Variants in PCDHGB4 observed in about 807,000 individuals in gnomAD.
PCDHGB4 encodes protocadherin gamma subfamily B, 4.
A neutral mutation model predicts 60.5 loss-of-function variants in PCDHGB4; 38 were observed. The observed-to-expected ratio is 0.63, with a 90% CI of 0.48 to 0.82. The LOEUF is 0.82. Ranked by LOEUF, PCDHGB4 falls within the 40% of genes least tolerant of loss-of-function variation. PCDHGB4 has a pLI of 0.00. For missense variants in PCDHGB4, 1,109 were observed against 1,209.6 expected (o/e 0.92, Z 1.23); for synonymous variants, 456 against 509.7 (o/e 0.89, Z 1.42).
chr5:141,492,386 G>C (rs1343104703), intron 1 of PCDHGB4, among the ~76,000 whole-genome samples: 1 of 152,202 alleles, frequency 6.6e-6, no homozygotes, highest in African/African-American at 2.4e-5. Context: ...GCCTGTTCCG[G>C]TCCACTCGCA....
intron 1 of PCDHGB4, chr5:141,414,452 T>C (rs767824112): frequency 6.2e-7 from 1 of 1,613,886 alleles, no homozygotes. Flanking sequence ...AATATCACAG[T>C]GACAGCCACA....
At chr5:141,404,391 A>C (rs773558298) in intron 1 of PCDHGB4, 1 of 1,613,924 alleles carries the variant, frequency 6.2e-7, no homozygotes, top group South Asian at 1.1e-5. Context: ...TATGACCCTG[A>C]TAGCAATGAG....
At chr5:141,417,982 G>A (rs756382601) in intron 1 of PCDHGB4, 4 of 1,613,886 alleles carry the variant, frequency 2.5e-6, no homozygotes, top group Admixed American at 3.3e-5. Flanking sequence ...CGGAGGAGCT[G>A]GCCAAGGGCT....
At chr5:141,405,083 C>T in intron 1 of PCDHGB4, 1 of 1,613,942 alleles carries the variant, frequency 6.2e-7, no homozygotes, top group Non-Finnish European at 8.5e-7. Flanking sequence ...CGTTATCACG[C>T]TGCTGGCCCT....
chr5:141,489,066 C>G lies in PCDHGB4; in HGVS notation c.2398-5741C>G. The stretch of plus-strand genomic sequence containing the variant: ...CACTCAAATTCAGCTCCCCTCCCCC[C>G]TGCCCACCCCCGCCACTCGGTGACT... On this transcript the variant is annotated intron_variant, in intron 1 of 3. Transcript: ENST00000519479. This position sits in a 1 kb window ranked among gnomAD's most constrained non-coding sequence, Gnocchi z 4.5. 1 of 391,132 alleles carries G rather than the reference C, an allele frequency of 2.6e-6. No individual in the cohort carries two copies. Among genetic ancestry groups the G allele is most frequent in the South Asian group, 4.2e-5 (1 of 24,028 alleles). 24.2% of individuals were successfully genotyped at this position (391,132 alleles called of 1,614,324 possible).
intron 1 of PCDHGB4, among the ~76,000 whole-genome samples, chr5:141,434,935 T>C (rs952530533): frequency 6.6e-6 from 1 of 151,788 alleles, no homozygotes; most frequent in Non-Finnish European, 1.5e-5. Flanking sequence ...TTTTATATAA[T>C]AGATATAATT....
chr5:141,413,090 C>T, intron 1 of PCDHGB4: 1 of 1,391,312 alleles, frequency 7.2e-7, no homozygotes, highest in South Asian at 1.4e-5. Flanking sequence ...ACAGAGACAC[C>T]CTGAAGCCAC....
chr5:141,427,229 G>A (rs1377470019), intron 1 of PCDHGB4: 3 of 456,628 alleles, frequency 6.6e-6, no homozygotes, highest in Non-Finnish European at 1.3e-5. Context: ...GTTATACCAT[G>A]AGAGTAGAAG....
At position 141,489,632 on chromosome 5, in the gene PCDHGB4, C is replaced by T; in HGVS notation, c.2398-5175C>T. 6.2e-7 allele frequency: 1 copy of T among 1,614,138 alleles called. No homozygotes were observed. Among genetic ancestry groups the T allele is most frequent in the Non-Finnish European group, 8.5e-7 (1 of 1,180,010 alleles). Reference sequence around the variant, plus strand: ...ATCCTGGATCTCAATGACAACTCTCCTAGCTTTGCCACCCCTGAGCGAGAG... The same window carrying T: ...ATCCTGGATCTCAATGACAACTCTCTTAGCTTTGCCACCCCTGAGCGAGAG... On this transcript the variant is annotated intron_variant, in intron 1 of 3. Transcript: ENST00000519479. The surrounding 1 kb of genome is among the most constrained non-coding windows in gnomAD (Gnocchi z 4.5).
intron 1 of PCDHGB4, chr5:141,430,941 A>G: frequency 6.2e-7 from 1 of 1,608,258 alleles, no homozygotes; most frequent in Non-Finnish European, 8.5e-7. Context: ...GAGCTCGCGG[A>G]GCGCGGAGTC....
intron 1 of PCDHGB4, chr5:141,414,010 G>A (rs1308472085): frequency 1.2e-6 from 2 of 1,612,990 alleles, no homozygotes; most frequent in Non-Finnish European, 1.7e-6. Flanking sequence ...AGGTGCCAAT[G>A]GAGAAGTGAC....
Position 141,389,364 on chromosome 5 carries a change from C to CT in PCDHGB4, c.1481dup (p.Glu495GlyfsTer116), listed in dbSNP as rs963046088. Reference sequence around the variant, plus strand: ...CTCTTACTGCATCATGGCCAGTGACCTGGAGCAGCGGGAGCTGTCATCCTA... The same window carrying CT: ...CTCTTACTGCATCATGGCCAGTGACCTTGGAGCAGCGGGAGCTGTCATCCTA... On this transcript the variant is annotated frameshift_variant, in exon 1 of 4. Coordinates refer to ENST00000519479, the MANE Select transcript of PCDHGB4 (RefSeq NM_003736.4). LOFTEE classifies it high-confidence loss of function. The CT allele has an allele frequency of 6.2e-7, 1 of 1,613,736 alleles. No individual in the cohort carries two copies. The highest frequency in any genetic ancestry group is 1.3e-5 in the African/African-American group (1 of 74,960).
At chr5:141,464,096 C>T (rs2099075769) in intron 1 of PCDHGB4, among the ~76,000 whole-genome samples, 1 of 152,016 alleles carries the variant, frequency 6.6e-6, no homozygotes, top group African/African-American at 2.4e-5. Context: ...GAAACTCCGT[C>T]TCTACTAAAA....
At position 141,495,009 on chromosome 5, in the gene PCDHGB4, G is replaced by A; in HGVS notation, c.2456+144G>A. 6 of 1,518,622 alleles carry A rather than the reference G, an allele frequency of 4.0e-6. No homozygotes were observed. The South Asian group carries it at 6.2e-5, about 16-fold the overall frequency. The allele number at this position is 1,518,622 out of a possible 1,614,324, so 94.1% of individuals were successfully genotyped here. ...TCCCAGGGAGGTCTTGGTGTGCGGG[G>A]GGCTGGCACACAGACCCCGGAAGGA... is the stretch of plus-strand genomic sequence containing the variant. On this transcript the variant is annotated intron_variant, in intron 2 of 3. Coordinates refer to ENST00000519479, the MANE Select transcript of PCDHGB4 (RefSeq NM_003736.4).
In PCDHGB4 at chr5:141,387,891, A is replaced by T. The variant is rs774395551; in HGVS notation, c.7A>T (p.Ser3Cys). The T allele has an allele frequency of 2.3e-5, 36 of 1,554,882 alleles. No homozygotes were observed. The highest frequency in any genetic ancestry group is 2.9e-5 in the Non-Finnish European group (34 of 1,156,952). ...GCTGAGGAGAGCAAGAGGGATGGGGAGCGGCGCCGGGGAGCTGGGCCGGGC... is the reference window on the plus strand; with the variant it reads ...GCTGAGGAGAGCAAGAGGGATGGGGTGCGGCGCCGGGGAGCTGGGCCGGGC... MG[S>C]GAGELGRAER... The change falls in exon 1 of 4, where the codon AGC becomes TGC. Residue 3 changes from serine to cysteine, a missense_variant. Ser to Cys is a moderately radical substitution (Grantham distance 112, BLOSUM62 -1). Coordinates refer to ENST00000519479, the MANE Select transcript of PCDHGB4 (RefSeq NM_003736.4).
At chr5:141,467,565 C>A (rs2154569547) in intron 1 of PCDHGB4, among the ~76,000 whole-genome samples, 1 of 152,302 alleles carries the variant, frequency 6.6e-6, no homozygotes, top group East Asian at 1.9e-4. Context: ...TCCCAAATGG[C>A]TATCCAGTTG....
chr5:141,427,052 C>T (rs79280874), intron 1 of PCDHGB4: 9,800 of 457,514 alleles, frequency 0.021, 162 homozygotes, highest in Middle Eastern at 0.051. Flanking sequence ...TGCCCCCAGG[C>T]ACCTCTGTAC....
rs2099615817 is a variant in PCDHGB4 at position 141,485,564 on chromosome 5, C to G, written c.2398-9243C>G. On this transcript the variant is annotated intron_variant, in intron 1 of 3. Coordinates refer to ENST00000519479, the MANE Select transcript of PCDHGB4 (RefSeq NM_003736.4). This position sits in a 1 kb window ranked among gnomAD's most constrained non-coding sequence, Gnocchi z 5.7. ...GATCGTAGATGTGAATGATCACGCCCCCCGTTTTCCGCGGCAGCAGCTGGA... is the reference window on the plus strand; with the variant it reads ...GATCGTAGATGTGAATGATCACGCCGCCCGTTTTCCGCGGCAGCAGCTGGA... 6.2e-7 allele frequency: 1 copy of G among 1,612,958 alleles called. No individual in the cohort carries two copies. The highest frequency in any genetic ancestry group is 8.5e-7 in the Non-Finnish European group (1 of 1,179,052).
At chr5:141,393,218 C>G (rs1157907229) in intron 1 of PCDHGB4, 2 of 1,613,598 alleles carry the variant, frequency 1.2e-6, no homozygotes, top group Admixed American at 3.3e-5. Flanking sequence ...AATTCCAGGT[C>G]GAAGATCTAG....
Sources: allele counts gnomAD v4.1 joint callset (sites outside exome capture counted in the v4.1 genomes callset), GRCh38; gene constraint gnomAD v4.1.1; non-coding constraint Gnocchi (gnomAD v3.1); transcripts MANE v1.5; gene names NCBI Gene and HGNC (gene_info 2026-07-23, HGNC 2026-07-21).